ME1: variants seen among roughly 807,000 people sequenced by gnomAD.
ME1 encodes the protein NADP-dependent malic enzyme.
Under a neutral mutation model 66.4 loss-of-function variants are expected in ME1, and 74 were observed. The ratio of observed to expected loss-of-function variants is 1.11; its 90% CI spans 0.92 to 1.35. The LOEUF (loss-of-function observed/expected upper bound fraction) is 1.35, where lower values mean the gene tolerates loss of function less well. Ranked by LOEUF, ME1 falls within the 40% of genes most tolerant of loss-of-function variation. The pLI, the probability that ME1 is intolerant of heterozygous loss-of-function variation, is 0.00. For missense variants in ME1, 750 were observed against 694.1 expected (o/e 1.08, Z -0.90); for synonymous variants, 251 against 235.6 (o/e 1.07, Z -0.60).
chr6:83,401,473 T>C (rs1381414843), intron 2 of ME1, among the ~76,000 whole-genome samples: 3 of 152,094 alleles, frequency 2.0e-5, no homozygotes, highest in Admixed American at 6.6e-5. Context: ...AGCAAATATA[T>C]GAAGGTCACC....
At chr6:83,314,984 C>T (rs925149507) in intron 6 of ME1, among the ~76,000 whole-genome samples, 4 of 151,976 alleles carry the variant, frequency 2.6e-5, no homozygotes, top group African/African-American at 7.3e-5. Flanking sequence ...TACAGATTGT[C>T]GATAAATGTA....
At chr6:83,266,833 G>C (rs1384104434) in intron 6 of ME1, among the ~76,000 whole-genome samples, 2 of 152,180 alleles carry the variant, frequency 1.3e-5, no homozygotes, top group Non-Finnish European at 2.9e-5. Flanking sequence ...TCTACTGGCA[G>C]AGTCTCTGCT....
rs568517205 is a variant in ME1 at position 83,426,219 on chromosome 6, C to G, written c.78+4658G>C. ...TTACATCACATTCTCCCCTACCTGT[C>G]CAAAAGTTAGAGGGAAATCAGAGCT... is the stretch of plus-strand genomic sequence containing the variant. On this transcript the variant is annotated intron_variant, in intron 1 of 13. Coordinates refer to ENST00000369705, the MANE Select transcript of ME1 (RefSeq NM_002395.6). 1.1e-4 allele frequency among the ~76,000 whole-genome samples: 16 copies of G among 152,258 alleles called. No individual in the cohort carries two copies. The South Asian group carries it at 3.3e-3, about 32-fold the overall frequency.
At chr6:83,247,720 T>C (rs1195980633) in intron 7 of ME1, among the ~76,000 whole-genome samples, 1 of 152,040 alleles carries the variant, frequency 6.6e-6, no homozygotes, top group Admixed American at 6.6e-5. Flanking sequence ...AAAAGAACCA[T>C]ACGGAGAAAC....
At chr6:83,222,752 C>G (rs926036609) in intron 12 of ME1, among the ~76,000 whole-genome samples, 1 of 152,198 alleles carries the variant, frequency 6.6e-6, no homozygotes. Context: ...TCCTTTGTCT[C>G]TGACCTAAGA....
intron 4 of ME1, among the ~76,000 whole-genome samples, chr6:83,350,448 T>C (rs1208068544): frequency 2.0e-5 from 3 of 152,174 alleles, no homozygotes; most frequent in Non-Finnish European, 1.5e-5. Context: ...ATTTCCTCTA[T>C]TGACTTGTTA....
intron 7 of ME1, among the ~76,000 whole-genome samples, chr6:83,242,590 T>A (rs1790530189): frequency 6.6e-6 from 1 of 152,092 alleles, no homozygotes; most frequent in Non-Finnish European, 1.5e-5. Context: ...AGGAAAAGCA[T>A]ATGCAAAGAC....
intron 3 of ME1, among the ~76,000 whole-genome samples, chr6:83,390,617 T>A (rs1286223326): frequency 6.6e-6 from 1 of 152,106 alleles, no homozygotes; most frequent in East Asian, 1.9e-4. Flanking sequence ...CAAGAAAATA[T>A]ACACACTAAA....
intron 3 of ME1, among the ~76,000 whole-genome samples, chr6:83,363,634 G>C (rs1304657214): frequency 6.6e-6 from 1 of 152,230 alleles, no homozygotes; most frequent in Non-Finnish European, 1.5e-5. Flanking sequence ...AGAATGGGTA[G>C]TAGAAGGTAC....
chr6:83,319,349 G>GA (rs890295563), intron 5 of ME1, among the ~76,000 whole-genome samples: 20 of 150,568 alleles, frequency 1.3e-4, no homozygotes, highest in African/African-American at 3.2e-4. Context: ...AAAAAGATAG[G>GA]AAAAAAAACA....
rs574913930 is a variant in ME1, at chr6:83,423,002, G to GAAGC, written c.78+7871_78+7874dup. 2.7e-3 allele frequency among the ~76,000 whole-genome samples: 413 copies of GAAGC among 152,062 alleles called. 2 individuals carry two copies. The highest frequency in any genetic ancestry group is 3.9e-3 in the Admixed American group (60 of 15,272). The stretch of plus-strand genomic sequence containing the variant: ...AAAAGACATATACTTACAGAATCAG[G>GAAGC]AAGCTCAGAAAACCCCAAGAAGATA... On this transcript the variant is annotated intron_variant, in intron 1 of 13. Coordinates refer to ENST00000369705, the MANE Select transcript of ME1 (RefSeq NM_002395.6).
chr6:83,343,388 C>T (rs1043596744), intron 5 of ME1, among the ~76,000 whole-genome samples: 3 of 152,184 alleles, frequency 2.0e-5, no homozygotes, highest in Non-Finnish European at 4.4e-5. Context: ...CTCTCAAAGA[C>T]CTCTGTCACT....
intron 3 of ME1, among the ~76,000 whole-genome samples, chr6:83,391,038 C>G (rs1332357186): frequency 6.6e-6 from 1 of 151,818 alleles, no homozygotes; most frequent in African/African-American, 2.4e-5. Context: ...CTTATAAATC[C>G]AGTTTACTGC....
intron 5 of ME1, 121 bp downstream of exon 5, chr6:83,346,052 G>C (rs1290789395): frequency 4.0e-6 from 3 of 752,174 alleles, no homozygotes; most frequent in Non-Finnish European, 6.1e-6. Context: ...CAGATTTGGA[G>C]AGAGAAAGAG....
chr6:83,230,754 A>T (rs1239732439), intron 9 of ME1, among the ~76,000 whole-genome samples: 2 of 151,946 alleles, frequency 1.3e-5, no homozygotes, highest in African/African-American at 4.8e-5. Flanking sequence ...ACACGGTGAA[A>T]CCCCGTCTCT....
chr6:83,416,974 G>A (rs757555126), intron 1 of ME1, among the ~76,000 whole-genome samples: 1 of 151,504 alleles, frequency 6.6e-6, no homozygotes, highest in Non-Finnish European at 1.5e-5. Flanking sequence ...TTACATCTGT[G>A]GCATGTATCT....
At chr6:83,384,439 T>C (rs1769471416) in intron 3 of ME1, among the ~76,000 whole-genome samples, 1 of 151,934 alleles carries the variant, frequency 6.6e-6, no homozygotes, top group African/African-American at 2.4e-5. Context: ...TGAACAGTTT[T>C]TCATGTCTTC....
At chr6:83,341,231 A>G (rs2128543107) in intron 5 of ME1, among the ~76,000 whole-genome samples, 1 of 152,286 alleles carries the variant, frequency 6.6e-6, no homozygotes, top group East Asian at 1.9e-4. Flanking sequence ...GAAGGGTAAC[A>G]TGTCCTGATT....
intron 6 of ME1, among the ~76,000 whole-genome samples, chr6:83,270,788 A>T (rs1012474238): frequency 6.6e-6 from 1 of 152,174 alleles, no homozygotes; most frequent in African/African-American, 2.4e-5. Flanking sequence ...CAGGAGTTGA[A>T]AAGATTACTG....
Sources: gnomAD v4.1 joint callset for allele counts (sites outside exome capture counted in the v4.1 genomes callset) on GRCh38, gnomAD v4.1.1 for gene constraint, MANE v1.5 for transcripts, NCBI Gene and HGNC (gene_info 2026-07-23, HGNC 2026-07-21) for gene names.